Variants in PRLR observed in about 807,000 individuals in gnomAD.
PRLR encodes hPRL receptor.
Under a neutral mutation model 40.2 loss-of-function variants are expected in PRLR, and 13 were observed. That is an observed-to-expected ratio of 0.32 (90% CI 0.21 to 0.51). The LOEUF is 0.51. Among genes scored for constraint, PRLR ranks in the 20% least tolerant of loss-of-function variants. PRLR has a pLI of 0.97. For synonymous variants in PRLR, 269 were observed against 278.7 expected, an observed-to-expected ratio of 0.97 and a Z score of 0.35; for missense variants, 656 against 747.3, an observed-to-expected ratio of 0.88 and a Z score of 1.42.
Position 35,084,507 on chromosome 5 carries a change from A to G in PRLR, c.336T>C (p.Ser112=), listed in dbSNP as rs768326949. The G allele has an allele frequency of 1.3e-6, 2 of 1,580,108 alleles. No individual in the cohort carries two copies. Among genetic ancestry groups the G allele is most frequent in the Non-Finnish European group, 1.7e-6 (2 of 1,169,478 alleles). The change falls in exon 5 of 10, where the codon AGT becomes AGC. Residue 112 remains serine, a synonymous_variant. Transcript: ENST00000618457. ...MVNATNQMGS[S]FSDELYVDVT... ...CGTCCACATAAAGTTCATCCGAGAA[A>G]CTGCTTCCCATCTGGTTAGTGGCAT...
At position 35,158,587 on chromosome 5, in the gene PRLR, A is replaced by G. The variant is rs16872440; in HGVS notation, c.-105-40465T>C. 4.4e-3 allele frequency among the ~76,000 whole-genome samples: 674 copies of G among 152,222 alleles called. 7 individuals carry two copies. Among genetic ancestry groups the G allele is most frequent in the African/African-American group, 0.015 (612 of 41,540 alleles). Reference sequence around the variant, plus strand: ...GTTAACAGGCTTACCTTGCCCAATGAAGGGTGAATATGTGCCCCTTGCTGG... The same window carrying G: ...GTTAACAGGCTTACCTTGCCCAATGGAGGGTGAATATGTGCCCCTTGCTGG... On this transcript the variant is annotated intron_variant, in intron 1 of 9. Coordinates refer to ENST00000618457, the MANE Select transcript of PRLR (RefSeq NM_000949.7).
In PRLR at chr5:35,115,529, C is replaced by T. The variant is rs367994252; in HGVS notation, c.-44+2532G>A. On this transcript the variant is annotated intron_variant, in intron 2 of 9. Coordinates refer to ENST00000618457, the MANE Select transcript of PRLR (RefSeq NM_000949.7). ...TCAAAACACAGCCTATGGGTGGACA[C>T]ATCCTCCCGAGGACCCTGGGCTGCT... Among the ~76,000 whole-genome samples the T allele has an allele frequency of 3.1e-4, 47 of 152,264 alleles. 1 individual carries two copies. In the South Asian group the frequency reaches 9.8e-3, roughly 32 times the overall value.
chr5:35,065,769 T>G lies in PRLR; in HGVS notation c.1189A>C (p.Ile397Leu). The G allele has an allele frequency of 6.2e-7, 1 of 1,614,120 alleles. No homozygotes were observed. Among genetic ancestry groups the G allele is most frequent in the Non-Finnish European group, 8.5e-7 (1 of 1,180,006 alleles). The change falls in exon 10 of 10, where the codon ATA becomes CTA. Residue 397 changes from isoleucine (I) to leucine (L), a missense_variant. Around this residue, in one of 3 missense-constraint regions of PRLR, gnomAD observed 469 missense variants for 491.5 expected, o/e 0.95. Coordinates refer to ENST00000618457, the MANE Select transcript of PRLR (RefSeq NM_000949.7). ...TAGGGGATTTTGCCTTCCATGCTTA[T>G]GCACTGGGGGTCCCAGGTGTGGGTT... ...ETTHTWDPQCISMEGKIPYFH... is the reference protein window; with the variant it reads ...ETTHTWDPQCLSMEGKIPYFH...
intron 1 of PRLR, among the ~76,000 whole-genome samples, chr5:35,133,015 A>C (rs1773735385): frequency 6.6e-6 from 1 of 152,192 alleles, no homozygotes; most frequent in East Asian, 1.9e-4. Context: ...ATAGAACAAA[A>C]ACATGGAAGG....
chr5:35,179,739 G>A (rs754435476), intron 1 of PRLR, among the ~76,000 whole-genome samples: 1 of 152,106 alleles, frequency 6.6e-6, no homozygotes, highest in Non-Finnish European at 1.5e-5. Flanking sequence ...TTGGAGGTGG[G>A]GCCTGGTGGG....
intron 1 of PRLR, among the ~76,000 whole-genome samples, chr5:35,152,069 ATTTT>A (rs1774359282): frequency 6.6e-6 from 1 of 152,166 alleles, no homozygotes; most frequent in Non-Finnish European, 1.5e-5. Context: ...GAAAAATACT[ATTTT>A]CAGTTTTTTG....
chr5:35,079,751 C>G (rs1467711080), intron 5 of PRLR, among the ~76,000 whole-genome samples: 1 of 152,136 alleles, frequency 6.6e-6, no homozygotes, highest in African/African-American at 2.4e-5. Flanking sequence ...GCCAAAAGAA[C>G]AAAGCTGGAG....
chr5:35,188,374 G>T (rs12514742), intron 1 of PRLR, among the ~76,000 whole-genome samples: 16,910 of 152,218 alleles, frequency 0.11, 1,087 homozygotes, highest in Non-Finnish European at 0.13. Context: ...GGCAGCCTGG[G>T]ATCAGCCCAC....
chr5:35,081,845 TCTC>T (rs567132391), intron 5 of PRLR: 116 of 159,062 alleles, frequency 7.3e-4, no homozygotes, highest in Non-Finnish European at 1.4e-3. Context: ...CACCAGGCTG[TCTC>T]CTCTGACTTT....
chr5:35,111,184 T>C (rs532723614), intron 2 of PRLR, among the ~76,000 whole-genome samples: 2 of 152,336 alleles, frequency 1.3e-5, no homozygotes, highest in Admixed American at 1.3e-4. Flanking sequence ...CTGTTAATCA[T>C]TGGAATATGT....
downstream of PRLR, among the ~76,000 whole-genome samples, chr5:35,052,923 T>C (rs1367092386): frequency 1.3e-5 from 2 of 152,234 alleles, no homozygotes; most frequent in Non-Finnish European, 1.5e-5. Flanking sequence ...TTCCTCTGTA[T>C]CTTTGGGTCT....
intron 1 of PRLR, among the ~76,000 whole-genome samples, chr5:35,229,557 C>T (rs1162630733): frequency 6.6e-6 from 1 of 152,174 alleles, no homozygotes; most frequent in Non-Finnish European, 1.5e-5. Context: ...ACCAACTCCT[C>T]TTCCCTTCCC....
At chr5:35,123,801 A>G (rs754559758) in intron 1 of PRLR, among the ~76,000 whole-genome samples, 20 of 152,170 alleles carry the variant, frequency 1.3e-4, no homozygotes, top group Non-Finnish European at 1.9e-4. Flanking sequence ...ATACTCACTT[A>G]TAGTCTGTCA....
intron 2 of PRLR, among the ~76,000 whole-genome samples, chr5:35,116,454 C>T (rs1000114111): frequency 1.3e-5 from 2 of 152,166 alleles, no homozygotes; most frequent in African/African-American, 4.8e-5. Context: ...GAATACATGT[C>T]TATGAATAAT....
chr5:35,162,998 G>A (rs534804531), intron 1 of PRLR, among the ~76,000 whole-genome samples: 1 of 152,256 alleles, frequency 6.6e-6, no homozygotes, highest in African/African-American at 2.4e-5. Flanking sequence ...ACAGCCAGGT[G>A]GGAAGGCGGT....
chr5:35,210,645 A>C (rs1045578765), intron 1 of PRLR, among the ~76,000 whole-genome samples: 3 of 152,204 alleles, frequency 2.0e-5, no homozygotes, highest in African/African-American at 7.2e-5. Flanking sequence ...TTCTACAGAA[A>C]GAATGTGGTT....
intron 1 of PRLR, among the ~76,000 whole-genome samples, chr5:35,133,296 T>C (rs1302486881): frequency 2.0e-5 from 3 of 151,498 alleles, no homozygotes; most frequent in Non-Finnish European, 4.4e-5. Context: ...TGTGAGCCAA[T>C]TTCCATAATA....
At chr5:35,094,100 A>G (rs73072987) in intron 2 of PRLR, among the ~76,000 whole-genome samples, 137 of 152,318 alleles carry the variant, frequency 9.0e-4, no homozygotes, top group African/African-American at 3.0e-3. Flanking sequence ...CAAAAAGAAT[A>G]TATCTATGTT....
At chr5:35,209,554 G>C (rs374953655) in intron 1 of PRLR, among the ~76,000 whole-genome samples, 4 of 152,284 alleles carry the variant, frequency 2.6e-5, no homozygotes, top group Admixed American at 2.0e-4. Context: ...AGAATTCATG[G>C]AGATGAAATA....
Sources: allele counts gnomAD v4.1 joint callset (sites outside exome capture counted in the v4.1 genomes callset), GRCh38; gene constraint gnomAD v4.1.1; regional missense constraint gnomAD v4.1.1; transcripts MANE v1.5; gene names NCBI Gene and HGNC (gene_info 2026-07-23, HGNC 2026-07-21).